SF1: variants seen among roughly 807,000 people sequenced by gnomAD.
The protein encoded by SF1 is splicing factor 1, also known as branch point-binding protein.
SF1 carries 7 observed loss-of-function variants against 62.5 expected under a neutral mutation model. The ratio of observed to expected loss-of-function variants is 0.11; its 90% CI spans 0.06 to 0.21. The LOEUF (loss-of-function observed/expected upper bound fraction) is 0.21. Ranked by LOEUF, SF1 falls within the 10% of genes least tolerant of loss-of-function variation. The pLI, the probability that SF1 is intolerant of heterozygous loss-of-function variation, is 1.00. For missense variants in SF1, 578 were observed against 884.0 expected (o/e 0.65, Z 4.39); for synonymous variants, 394 against 323.6 (o/e 1.22, Z -2.33).
At chr11:64,772,259 T>A (rs1433390491) in intron 3 of SF1, 3 of 984,766 alleles carry the variant, frequency 3.0e-6, no homozygotes, top group Non-Finnish European at 3.6e-6. Context: ...GTAGACATAT[T>A]ATTAAAGGGA....
intron 2 of SF1, among the ~76,000 whole-genome samples, chr11:64,775,650 G>T (rs1939095365): frequency 6.6e-6 from 1 of 152,120 alleles, no homozygotes; most frequent in Admixed American, 6.5e-5. Context: ...CCTCCAAAGG[G>T]GATGTTTATT....
intron 3 of SF1, 69 bp from the exon 4 acceptor site, chr11:64,770,477 G>GTCTT (rs1395955517): frequency 1.9e-6 from 3 of 1,545,564 alleles, no homozygotes; most frequent in East Asian, 2.3e-5. Context: ...ACTATAACAA[G>GTCTT]TCTTTCCCAG....
At chr11:64,773,147 A>G (rs546824678) in intron 3 of SF1, 2 of 1,243,652 alleles carry the variant, frequency 1.6e-6, no homozygotes, top group East Asian at 9.2e-5. Flanking sequence ...ACTGTCCCCT[A>G]AGGGTGGGTA....
At chr11:64,772,001 T>C (rs1384974306) in intron 3 of SF1, 1 of 985,274 alleles carries the variant, frequency 1.0e-6, no homozygotes, top group Non-Finnish European at 1.2e-6. Flanking sequence ...GAATTAAGCA[T>C]TCTTAGCTAG....
At chr11:64,770,507 C>T in intron 3 of SF1, 99 bp from the exon 4 acceptor site, 1 of 1,308,732 alleles carries the variant, frequency 7.6e-7, no homozygotes. Context: ...CTCTCAGACC[C>T]TAATACAACA....
rs1255393523 is a variant in SF1, at chr11:64,778,331, AGCGGGGGCAGCCCGGGGG to A, written c.31+13_31+30del. 2.7e-5 allele frequency: 33 copies of A among 1,221,754 alleles called. No individual in the cohort carries two copies. The highest frequency in any genetic ancestry group is 3.3e-5 in the Non-Finnish European group (32 of 982,090). 75.7% of individuals were successfully genotyped at this position (1,221,754 alleles called of 1,614,324 possible). A position where few individuals can be genotyped will look rare whatever the true frequency, so the allele number is the denominator to read the frequency against. On this transcript the variant is annotated intron_variant, in intron 1 of 12. Transcript: ENST00000377390. ...CTCGAAGCCTCCTTTGGGCCCGGGGAGCGGGGGCAGCCCGGGGGGGCCCAGCTTACCCAACGGCGTGGC... is the reference window on the plus strand; with the variant it reads ...CTCGAAGCCTCCTTTGGGCCCGGGGAGGCCCAGCTTACCCAACGGCGTGGC...
chr11:64,770,148 T>C, intron 4 of SF1, 95 bp from the exon 5 acceptor site: 1 of 1,548,520 alleles, frequency 6.5e-7, no homozygotes, highest in Non-Finnish European at 8.9e-7. Flanking sequence ...GTGCTAATTA[T>C]GGGTGACTTG....
chr11:64,776,380 G>A (rs777330369), intron 2 of SF1, 118 bp downstream of exon 2: 2 of 1,127,832 alleles, frequency 1.8e-6, no homozygotes, highest in Non-Finnish European at 1.3e-6. Context: ...CCAAAGTCGT[G>A]AAAGTATCTC....
At chr11:64,772,248 T>G (rs1299367197) in intron 3 of SF1, 2 of 984,646 alleles carry the variant, frequency 2.0e-6, no homozygotes, top group African/African-American at 3.5e-5. Flanking sequence ...ACTGGTGACC[T>G]GTAGACATAT....
rs567364137 is a variant in SF1, at chr11:64,766,541, A to G, written c.1582+359T>C. ...CCCACCTCTGCAGTCTCTCACCCCAATCGCAGCCCTTGCCAGAGCAAGCAT... is the reference window on the plus strand; with the variant it reads ...CCCACCTCTGCAGTCTCTCACCCCAGTCGCAGCCCTTGCCAGAGCAAGCAT... On this transcript the variant is annotated intron_variant, in intron 12 of 12. Coordinates refer to ENST00000377390, the MANE Select transcript of SF1 (RefSeq NM_004630.4). 9 of 410,814 alleles carry G rather than the reference A, an allele frequency of 2.2e-5. No individual in the cohort carries two copies. The East Asian group carries it at 3.1e-4, about 14-fold the overall frequency. The allele number at this position is 410,814 out of a possible 1,614,324, so 25.4% of individuals were successfully genotyped here. A position where few individuals can be genotyped will look rare whatever the true frequency, so the allele number is the denominator to read the frequency against.
chr11:64,768,333 TAAG>T lies in SF1; in HGVS notation c.888-50_888-48del, dbSNP rs753067544. ...AAACAGAGAAAGGGGAAAAACTTGT[TAAG>T]AAGGAAGCTTTTATCCTGAGGAACC... On this transcript the variant is annotated intron_variant, in intron 8 of 12. Transcript: ENST00000377390. The T allele has an allele frequency of 6.9e-5, 108 of 1,573,998 alleles. 3 individuals carry two copies. In the South Asian group the frequency reaches 1.1e-3, roughly 15 times the overall value.
Position 64,766,931 on chromosome 11 carries a change from C to T in SF1, c.1551G>A (p.Met517Ile). The change falls in exon 12 of 13, where the codon ATG becomes ATA. Residue 517 changes from methionine (M) to isoleucine (I), a missense_variant. Coordinates refer to ENST00000377390, the MANE Select transcript of SF1 (RefSeq NM_004630.4). ...GCCATGGCAAGGGGGTACTGGAAGCCATACTGCTGCTGGGCGGAGGGGGTG... is the reference window on the plus strand; with the variant it reads ...GCCATGGCAAGGGGGTACTGGAAGCTATACTGCTGCTGGGCGGAGGGGGTG... ...PPPPPPPSSS[M>I]ASSTPLPWQQ... The T allele has an allele frequency of 6.8e-7, 1 of 1,476,728 alleles. No individual in the cohort carries two copies. Among genetic ancestry groups the T allele is most frequent in the Non-Finnish European group, 9.0e-7 (1 of 1,112,576 alleles). 91.5% of individuals were successfully genotyped at this position (1,476,728 alleles called of 1,614,324 possible). A position where few individuals can be genotyped will look rare whatever the true frequency, so the allele number is the denominator to read the frequency against.
In SF1 at chr11:64,778,343, C is replaced by A; in HGVS notation, c.31+19G>T. 1 of 1,226,084 alleles carries A rather than the reference C, an allele frequency of 8.2e-7. No homozygotes were observed. The highest frequency in any genetic ancestry group is 1.0e-6 in the Non-Finnish European group (1 of 983,684). 76.0% of individuals were successfully genotyped at this position (1,226,084 alleles called of 1,614,324 possible). On this transcript the variant is annotated intron_variant, in intron 1 of 12. Transcript: ENST00000377390. ...TTTGGGCCCGGGGAGCGGGGGCAGC[C>A]CGGGGGGGCCCAGCTTACCCAACGG...
In SF1 at chr11:64,768,147, C is replaced by T. The variant is rs571999084; in HGVS notation, c.1027G>A (p.Ala343Thr). 38 of 1,612,754 alleles carry T rather than the reference C, an allele frequency of 2.4e-5. No homozygotes were observed. In the South Asian group the frequency reaches 3.3e-4, roughly 14 times the overall value. ...SGPATTPLAS[A>T]PRPAAPANNP... Reference sequence around the variant, plus strand: ...TTGGCGGGAGCAGCAGGACGAGGTGCGCTGGCCAGGGGTGTGGTGGCAGGC... The same window carrying T: ...TTGGCGGGAGCAGCAGGACGAGGTGTGCTGGCCAGGGGTGTGGTGGCAGGC... Residue 343 changes from alanine (A) to threonine (T), a missense_variant, in exon 9 of 13, where the codon GCA becomes ACA. This residue lies in a region of SF1 where 410 missense variants were observed against 452.4 expected (regional missense o/e 0.91). Coordinates refer to ENST00000377390, the MANE Select transcript of SF1 (RefSeq NM_004630.4).
rs367691023 is a variant in SF1, at chr11:64,772,392, G to A, written c.236+1038C>T. The A allele has an allele frequency of 1.0e-4, 99 of 984,332 alleles. No homozygotes were observed. The African/African-American group carries it at 1.6e-3, about 16-fold the overall frequency. The allele number at this position is 984,332 out of a possible 1,614,324, so 61.0% of individuals were successfully genotyped here. ...CCCTACAACCAAAATCTATCTATAG[G>A]TAAAATATAGCAAATGTAGTAAGTC... On this transcript the variant is annotated intron_variant, in intron 3 of 12. Coordinates refer to ENST00000377390, the MANE Select transcript of SF1 (RefSeq NM_004630.4).
At position 64,769,096 on chromosome 11, in the gene SF1, G is replaced by T. The variant is rs1464538608; in HGVS notation, c.813C>A (p.Arg271=). ...ILRPWQSSET[R]SITNTTVCTK... is the part of the protein sequence containing the mutation. ...TACACACTGTGGTGTTGGTAATGCT[G>T]CGGGTCTCTGAGCTCTGCCAGGGTC... Residue 271 remains arginine (R), a synonymous_variant, in exon 8 of 13, where the codon CGC becomes CGA. Coordinates refer to ENST00000377390, the MANE Select transcript of SF1 (RefSeq NM_004630.4). The T allele has an allele frequency of 6.2e-7, 1 of 1,614,170 alleles. No individual in the cohort carries two copies. Among genetic ancestry groups the T allele is most frequent in the East Asian group, 2.2e-5 (1 of 44,890 alleles).
rs2058624939 is a variant in SF1 at position 64,765,943 on chromosome 11, G to A, written c.1795C>T (p.Pro599Ser). ...ATGGGAGGCGGAGGAGGAGGGGGCG[G>A]GGCATACATCATGCCGGCGGAACCA... ...PPGSAGMMYA[P>S]PPPPPPPMDP... Residue 599 changes from proline to serine, a missense_variant, in exon 13 of 13, where the codon CCG becomes TCG. Coordinates refer to ENST00000377390, the MANE Select transcript of SF1 (RefSeq NM_004630.4). 2 of 1,576,942 alleles carry A rather than the reference G, an allele frequency of 1.3e-6. No homozygotes were observed. The highest frequency in any genetic ancestry group is 1.7e-6 in the Non-Finnish European group (2 of 1,161,490).
chr11:64,770,477 G>C, intron 3 of SF1, 69 bp from the exon 4 acceptor site: 1 of 1,545,682 alleles, frequency 6.5e-7, no homozygotes. Flanking sequence ...ACTATAACAA[G>C]TCTTTCCCAG....
chr11:64,774,892 C>T (rs541351570), intron 2 of SF1, among the ~76,000 whole-genome samples: 10 of 150,594 alleles, frequency 6.6e-5, no homozygotes, highest in African/African-American at 1.7e-4. Context: ...ACCCGGGAGA[C>T]GCAGGTTGCA....
Sources: gnomAD v4.1 joint callset for allele counts (sites outside exome capture counted in the v4.1 genomes callset) on GRCh38, gnomAD v4.1.1 for gene constraint, gnomAD v4.1.1 regional missense constraint, MANE v1.5 for transcripts, NCBI Gene and HGNC (gene_info 2026-07-23, HGNC 2026-07-21) for gene names.